Variants in FN3K observed in about 807,000 individuals in gnomAD.
FN3K encodes fructosamine-3-kinase.
A neutral mutation model predicts 24.8 loss-of-function variants in FN3K; 24 were observed. The ratio of observed to expected loss-of-function variants is 0.97; its 90% confidence interval spans 0.70 to 1.36. The LOEUF is 1.36. Among genes scored for constraint, FN3K ranks in the 40% most tolerant of loss-of-function variants. The pLI, the probability that FN3K is intolerant of heterozygous loss-of-function variation, is 0.00. For missense variants in FN3K, 449 were observed against 416.7 expected (o/e 1.08, Z -0.67); for synonymous variants, 192 against 175.2 (o/e 1.10, Z -0.76).
chr17:82,738,925 C>CGTATATATATATATATATAT (rs1261335715), intron 2 of FN3K, among the ~76,000 whole-genome samples: 1 of 104,098 alleles, frequency 9.6e-6, no homozygotes, highest in Non-Finnish European at 1.9e-5. Context: ...TATATATACA[C>CGTATATATATATATATATAT]ATATATATAT....
rs181798572 is a variant in FN3K at position 82,738,441 on chromosome 17, G to C, written c.142-48G>C. The C allele has an allele frequency of 1.1e-5, 18 of 1,610,890 alleles. No individual in the cohort carries two copies. The East Asian group carries it at 3.8e-4, about 34-fold the overall frequency. On this transcript the variant is annotated intron_variant, in intron 1 of 5. Transcript: ENST00000300784. ...TTCTGTCAAGGGCCCAGTGGGCAGAGGCCCTGGCTGAGTCAACAAGGCTGA... is the reference window on the plus strand; with the variant it reads ...TTCTGTCAAGGGCCCAGTGGGCAGACGCCCTGGCTGAGTCAACAAGGCTGA...
At chr17:82,741,913 T>C (rs938458671) in intron 4 of FN3K, among the ~76,000 whole-genome samples, 3 of 152,234 alleles carry the variant, frequency 2.0e-5, no homozygotes, top group African/African-American at 7.2e-5. Flanking sequence ...TTCTTTTCTT[T>C]TTTATTTTTT....
At chr17:82,749,114 C>T in intron 5 of FN3K, 137 bp downstream of exon 5, 2 of 1,387,114 alleles carry the variant, frequency 1.4e-6, no homozygotes, top group South Asian at 1.2e-5. Flanking sequence ...GGAAGGGGGG[C>T]AGGGGCGGGG....
At chr17:82,738,947 T>TATATACACGTGTATATATATATATA (rs1491164859) in intron 2 of FN3K, among the ~76,000 whole-genome samples, 5 of 65,268 alleles carry the variant, frequency 7.7e-5, no homozygotes, top group African/African-American at 2.6e-4. Flanking sequence ...TATATATATA[T>TATATACACGTGTATATATATATATA]TTTTTTTTTT....
chr17:82,741,477 G>A (rs1352090906), intron 4 of FN3K, 84 bp downstream of exon 4: 3 of 1,240,906 alleles, frequency 2.4e-6, no homozygotes, highest in African/African-American at 3.0e-5. Flanking sequence ...AATCTCCCAA[G>A]CACCAGCAAG....
At chr17:82,742,125 G>A (rs941750390) in intron 4 of FN3K, among the ~76,000 whole-genome samples, 3 of 152,098 alleles carry the variant, frequency 2.0e-5, no homozygotes, top group South Asian at 2.1e-4. Flanking sequence ...GGCTGGTCTC[G>A]AACTCCTGAC....
Position 82,751,064 on chromosome 17 carries a change from C to T in FN3K, c.*309C>T. ...CCCGTCTCCGTTCCCCCGTCCCCAT[C>T]CTCCATCCCCGTCTCCCATCGCCGT... On this transcript the variant is annotated 3_prime_UTR_variant, in exon 6 of 6. Transcript: ENST00000300784. 1 of 81,520 alleles carries T rather than the reference C, an allele frequency of 1.2e-5. No individual in the cohort carries two copies. The highest frequency in any genetic ancestry group is 2.2e-5 in the Non-Finnish European group (1 of 46,056). 5.0% of individuals were successfully genotyped at this position (81,520 alleles called of 1,614,324 possible). A position where few individuals can be genotyped will look rare whatever the true frequency, so the allele number is the denominator to read the frequency against.
At chr17:82,738,311 T>C in intron 1 of FN3K, 178 bp from the exon 2 acceptor site, 1 of 668,970 alleles carries the variant, frequency 1.5e-6, no homozygotes, top group Non-Finnish European at 2.4e-6. Context: ...GCCTCTCGTC[T>C]CCGACGGGGG....
chr17:82,745,612 AAC>A (rs2046964429), intron 4 of FN3K: 1 of 152,204 alleles, frequency 6.6e-6, no homozygotes, highest in South Asian at 2.1e-4. Flanking sequence ...GTACGGATCT[AAC>A]ACAGCCTGTT....
intron 5 of FN3K, 121 bp downstream of exon 5, chr17:82,749,098 C>A: frequency 6.7e-7 from 1 of 1,482,372 alleles, no homozygotes. Context: ...GAGCACACAT[C>A]AGGGAGGAAG....
chr17:82,744,083 GA>G (rs1259786226), intron 4 of FN3K, among the ~76,000 whole-genome samples: 1 of 152,212 alleles, frequency 6.6e-6, no homozygotes, highest in Non-Finnish European at 1.5e-5. Context: ...CTGAGCTGGG[GA>G]TCTGACAGCC....
chr17:82,750,420 A>G lies in FN3K; in HGVS notation c.595A>G (p.Lys199Glu). Residue 199 changes from lysine (K) to glutamate (E), a missense_variant, in exon 6 of 6, where the codon AAG (lysine) becomes GAG (glutamate). By Grantham distance (56) the Lys-to-Glu change is moderately conservative. Transcript: ENST00000300784. ...ARELWSRLQV[K>E]IPDLFCGLEI... ...ACTGCAGCCGTTGCTCTCGTAGGTG[A>G]AGATCCCGGATCTGTTTTGTGGCCT... is the stretch of plus-strand genomic sequence containing the variant. 6.2e-7 allele frequency: 1 copy of G among 1,613,998 alleles called. No individual in the cohort carries two copies. Among genetic ancestry groups the G allele is most frequent in the South Asian group, 1.1e-5 (1 of 91,074 alleles).
At chr17:82,744,787 T>C (rs888035499) in intron 4 of FN3K, among the ~76,000 whole-genome samples, 4 of 152,062 alleles carry the variant, frequency 2.6e-5, no homozygotes, top group African/African-American at 7.2e-5. Flanking sequence ...CAGACAAACA[T>C]GTGAACAAAG....
chr17:82,738,738 G>C, intron 2 of FN3K, 98 bp downstream of exon 2: 22 of 1,495,232 alleles, frequency 1.5e-5, no homozygotes, highest in Non-Finnish European at 2.0e-5. Flanking sequence ...AGATGGGGAG[G>C]GAGACAGAAA....
At chr17:82,743,459 C>G (rs1038827198) in intron 4 of FN3K, among the ~76,000 whole-genome samples, 1 of 152,120 alleles carries the variant, frequency 6.6e-6, no homozygotes, top group South Asian at 2.1e-4. Context: ...CACCAGGTTC[C>G]GGAGGCTTCC....
chr17:82,750,333 T>C, intron 5 of FN3K, 84 bp from the exon 6 acceptor site: 1 of 1,248,672 alleles, frequency 8.0e-7, no homozygotes, highest in Non-Finnish European at 1.2e-6. Flanking sequence ...AGATCGCGAG[T>C]GGGCTTTGCC....
Position 82,735,615 on chromosome 17 carries a change from A to C in FN3K, c.-22A>C. 2.0e-6 allele frequency: 3 copies of C among 1,497,234 alleles called. No individual in the cohort carries two copies. Among genetic ancestry groups the C allele is most frequent in the Non-Finnish European group, 2.7e-6 (3 of 1,131,076 alleles). 92.7% of individuals were successfully genotyped at this position (1,497,234 alleles called of 1,614,324 possible). ...AGCCGACAGGGGCTTCCGAGCGAGCAGAGTCCCGCGCCCCGCACTCCATGG... is the reference window on the plus strand; with the variant it reads ...AGCCGACAGGGGCTTCCGAGCGAGCCGAGTCCCGCGCCCCGCACTCCATGG... On this transcript the variant is annotated 5_prime_UTR_variant, in exon 1 of 6. Transcript: ENST00000300784.
chr17:82,748,142 C>CTTTTTTTTTTTTTTTTTTTTT (rs145352692), intron 4 of FN3K, among the ~76,000 whole-genome samples: 1 of 141,872 alleles, frequency 7.0e-6, no homozygotes. Context: ...CTCTAGCTTT[C>CTTTTTTTTTTTTTTTTTTTTT]TTTTTTTTTT....
At chr17:82,742,640 A>T (rs1303416090) in intron 4 of FN3K, 2 of 452,048 alleles carry the variant, frequency 4.4e-6, no homozygotes, top group Non-Finnish European at 8.9e-6. Flanking sequence ...ATAATACTGG[A>T]GCCTCTTGAA....
Sources: allele counts gnomAD v4.1 joint callset (sites outside exome capture counted in the v4.1 genomes callset), GRCh38; gene constraint gnomAD v4.1.1; transcripts MANE v1.5; gene names NCBI Gene and HGNC (gene_info 2026-07-23, HGNC 2026-07-21).